The following MIS18BP1 variants were observed in gnomAD, a reference collection of about 807,000 sequenced individuals.
MIS18BP1 encodes the protein mis18-binding protein 1.
MIS18BP1 carries 72 observed loss-of-function variants against 116.1 expected under a neutral mutation model. That is an observed-to-expected ratio of 0.62 (90% CI 0.51 to 0.75). MIS18BP1 has a LOEUF of 0.75. Among genes scored for constraint, MIS18BP1 ranks in the 30% least tolerant of loss-of-function variants. The pLI, the probability that MIS18BP1 is intolerant of heterozygous loss-of-function variation, is 0.00. For synonymous variants in MIS18BP1, 386 were observed against 427.0 expected (o/e 0.90, Z 1.18); for missense variants, 1,363 against 1,303.2 (o/e 1.05, Z -0.71).
At chr14:45,226,859 G>C in intron 9 of MIS18BP1, 23 bp from the exon 10 acceptor site, 1 of 1,318,806 alleles carries the variant, frequency 7.6e-7, no homozygotes, top group Non-Finnish European at 9.9e-7. Flanking sequence ...AAGATACCTA[G>C]GTTTTATTTT....
chr14:45,231,194 G>T lies in MIS18BP1; in HGVS notation c.1541C>A (p.Thr514Lys), dbSNP rs931578151. ...GGTGGTGGCTCTTTGAGCAGTATCT[G>T]TTTGGTTTTCTCGTGCATCATTTTT... ...SMKNDARENQTDTAQRATTTY... is the reference protein window; with the variant it reads ...SMKNDARENQKDTAQRATTTY... The change falls in exon 8 of 17, where the codon ACA (threonine) becomes AAA (lysine). Residue 514 changes from threonine (T) to lysine (K), a missense_variant. Thr to Lys is a moderately conservative substitution (Grantham distance 78, BLOSUM62 -1). Transcript: ENST00000310806. 3.1e-6 allele frequency: 5 copies of T among 1,613,800 alleles called. No individual in the cohort carries two copies. Among genetic ancestry groups the T allele is most frequent in the Non-Finnish European group, 4.2e-6 (5 of 1,179,924 alleles).
chr14:45,241,927 G>A, intron 4 of MIS18BP1, 107 bp downstream of exon 4: 1 of 1,224,174 alleles, frequency 8.2e-7, no homozygotes. Flanking sequence ...AAGCATACAG[G>A]TTCAAATCCT....
chr14:45,223,869 G>A (rs185522220), intron 11 of MIS18BP1, 49 bp downstream of exon 11: 3 of 1,357,982 alleles, frequency 2.2e-6, no homozygotes, highest in Non-Finnish European at 3.0e-6. Flanking sequence ...GTCTTTAACT[G>A]TCTTGTGGCT....
chr14:45,233,661 T>C (rs919617107), intron 6 of MIS18BP1, among the ~76,000 whole-genome samples: 3 of 152,164 alleles, frequency 2.0e-5, no homozygotes, highest in African/African-American at 7.2e-5. Context: ...TAATAGGATG[T>C]ACTGACACAC....
chr14:45,245,623 CAA>C (rs890465138), intron 2 of MIS18BP1, among the ~76,000 whole-genome samples: 1 of 152,146 alleles, frequency 6.6e-6, no homozygotes, highest in African/African-American at 2.4e-5. Flanking sequence ...CTCGGCCTCT[CAA>C]AGTGACGGGA....
At chr14:45,245,479 C>A (rs553140781) in intron 2 of MIS18BP1, among the ~76,000 whole-genome samples, 1 of 152,210 alleles carries the variant, frequency 6.6e-6, no homozygotes, top group Admixed American at 6.5e-5. Context: ...ATTCTCCTGC[C>A]TTAGCCTCCC....
intron 11 of MIS18BP1, among the ~76,000 whole-genome samples, chr14:45,219,007 C>T (rs950960218): frequency 5.3e-5 from 8 of 152,044 alleles, no homozygotes; most frequent in African/African-American, 1.9e-4. Flanking sequence ...AAGGAAGTCC[C>T]TAATTTAACA....
At chr14:45,235,226 C>A (rs1003336239) in intron 6 of MIS18BP1, among the ~76,000 whole-genome samples, 2 of 142,324 alleles carry the variant, frequency 1.4e-5, no homozygotes, top group Non-Finnish European at 3.1e-5. Context: ...AAAAAAACAA[C>A]CCCAAGCCTC....
chr14:45,234,028 A>G (rs1594519133), intron 6 of MIS18BP1, among the ~76,000 whole-genome samples: 1 of 152,196 alleles, frequency 6.6e-6, no homozygotes, highest in Non-Finnish European at 1.5e-5. Flanking sequence ...GAAATACACA[A>G]AGAAACTAAG....
At chr14:45,222,959 T>C (rs1190879431) in intron 11 of MIS18BP1, among the ~76,000 whole-genome samples, 1 of 152,214 alleles carries the variant, frequency 6.6e-6, no homozygotes, top group Non-Finnish European at 1.5e-5. Context: ...TTCCTAATTG[T>C]AGAGAAGGTT....
At chr14:45,247,851 T>TA (rs1286978584) in intron 1 of MIS18BP1, among the ~76,000 whole-genome samples, 1 of 152,102 alleles carries the variant, frequency 6.6e-6, no homozygotes, top group South Asian at 2.1e-4. Flanking sequence ...TAATAAAAGC[T>TA]AAAAAAATAC....
chr14:45,233,841 A>T (rs1891352280), intron 6 of MIS18BP1, among the ~76,000 whole-genome samples: 1 of 152,190 alleles, frequency 6.6e-6, no homozygotes, highest in African/African-American at 2.4e-5. Context: ...CCTAGTGGAG[A>T]TGTCAAATAA....
At chr14:45,206,222 A>G in intron 14 of MIS18BP1, 52 bp from the exon 15 acceptor site, 1 of 1,261,024 alleles carries the variant, frequency 7.9e-7, no homozygotes, top group South Asian at 1.3e-5. Flanking sequence ...AGTCAACCTA[A>G]TAATTTTAAG....
At chr14:45,238,146 G>C (rs1281565754) in intron 4 of MIS18BP1, among the ~76,000 whole-genome samples, 1 of 143,326 alleles carries the variant, frequency 7.0e-6, no homozygotes, top group Non-Finnish European at 1.5e-5. Flanking sequence ...GTTTAGACCT[G>C]TATTCCAATT....
At chr14:45,247,560 T>C (rs1181572885) in intron 1 of MIS18BP1, among the ~76,000 whole-genome samples, 183 bp from the exon 2 acceptor site, 1 of 151,640 alleles carries the variant, frequency 6.6e-6, no homozygotes, top group Non-Finnish European at 1.5e-5. Context: ...GAGCTGGGTG[T>C]GATGGTGTAC....
rs1233880136 is a variant in MIS18BP1 at position 45,242,500 on chromosome 14, T to C, written c.677A>G (p.Gln226Arg). 1 of 1,587,276 alleles carries C rather than the reference T, an allele frequency of 6.3e-7. No individual in the cohort carries two copies. Among genetic ancestry groups the C allele is most frequent in the African/African-American group, 1.4e-5 (1 of 72,960 alleles). Residue 226 changes from glutamine (Q) to arginine (R), a missense_variant, in exon 4 of 17, where the codon CAA (glutamine) becomes CGA (arginine). Coordinates refer to ENST00000310806, the MANE Select transcript of MIS18BP1 (RefSeq NM_018353.5). ...NLTYELPTLN[Q>R]EQENFLAVEA... is the part of the protein sequence containing the mutation. ...TACAGCCAAAAAATTTTCCTGTTCTTGGTTCAGAGTTGGAAGTTCTGCAAA... is the reference window on the plus strand; with the variant it reads ...TACAGCCAAAAAATTTTCCTGTTCTCGGTTCAGAGTTGGAAGTTCTGCAAA...
intron 13 of MIS18BP1, 147 bp downstream of exon 13, chr14:45,216,872 G>A: frequency 1.3e-6 from 1 of 799,632 alleles, no homozygotes. Flanking sequence ...GCATATATCA[G>A]CACATTGTTT....
At chr14:45,250,803 G>A (rs1373937452) in intron 1 of MIS18BP1, among the ~76,000 whole-genome samples, 2 of 152,030 alleles carry the variant, frequency 1.3e-5, no homozygotes, top group South Asian at 2.1e-4. Flanking sequence ...ATCACGAGGC[G>A]AATGACGGCG....
intron 6 of MIS18BP1, 133 bp downstream of exon 6, chr14:45,235,678 TATA>T (rs756020018): frequency 8.9e-5 from 56 of 631,486 alleles, no homozygotes; most frequent in African/African-American, 5.4e-4. Flanking sequence ...ACCAGTTTTA[TATA>T]ATATCAGTTG....
Sources: allele counts gnomAD v4.1 joint callset (sites outside exome capture counted in the v4.1 genomes callset), GRCh38; gene constraint gnomAD v4.1.1; transcripts MANE v1.5; gene names NCBI Gene and HGNC (gene_info 2026-07-23, HGNC 2026-07-21).